DGKG: variants seen among roughly 807,000 people sequenced by gnomAD.
DGKG encodes DAG kinase gamma.
DGKG carries 78 observed loss-of-function variants against 105.3 expected under a neutral mutation model. The observed-to-expected ratio is 0.74, with a 90% CI of 0.62 to 0.89. The LOEUF (loss-of-function observed/expected upper bound fraction) is 0.89, where lower values mean the gene tolerates loss of function less well. DGKG is among the 40% of genes least tolerant of loss of function. The pLI, the probability that DGKG is intolerant of heterozygous loss-of-function variation, is 0.00. For synonymous variants in DGKG, 346 were observed against 367.1 expected (o/e 0.94, Z 0.66); for missense variants, 958 against 1,020.1 (o/e 0.94, Z 0.83).
At chr3:186,288,026 T>C (rs1398301129) in intron 6 of DGKG, among the ~76,000 whole-genome samples, 1 of 152,228 alleles carries the variant, frequency 6.6e-6, no homozygotes, top group African/African-American at 2.4e-5. Flanking sequence ...AAACCATCAC[T>C]GGACTGAATC....
intron 20 of DGKG, among the ~76,000 whole-genome samples, chr3:186,227,799 A>T (rs1398157998): frequency 6.6e-6 from 1 of 152,230 alleles, no homozygotes; most frequent in African/African-American, 2.4e-5. Flanking sequence ...GCATGCAATT[A>T]TGAAAAGTTT....
At chr3:186,150,748 G>A (rs61004094) in intron 24 of DGKG, among the ~76,000 whole-genome samples, 2,295 of 152,308 alleles carry the variant, frequency 0.015, 70 homozygotes, top group African/African-American at 0.053. Flanking sequence ...GCCTTCGAGG[G>A]AAGACCCCAA....
At chr3:186,200,311 G>A (rs528435597) in intron 21 of DGKG, among the ~76,000 whole-genome samples, 5 of 152,268 alleles carry the variant, frequency 3.3e-5, no homozygotes, top group Admixed American at 6.5e-5. Context: ...CATGCACCCC[G>A]TAAACACTTA....
chr3:186,353,685 T>TATCTATATCTATATC (rs994218769), intron 1 of DGKG, among the ~76,000 whole-genome samples: 6 of 138,970 alleles, frequency 4.3e-5, no homozygotes, highest in African/African-American at 1.7e-4. Flanking sequence ...TCTATATCTA[T>TATCTATATCTATATC]ATCTATATCT....
intron 2 of DGKG, among the ~76,000 whole-genome samples, chr3:186,315,154 T>C (rs1724756858): frequency 6.6e-6 from 1 of 152,202 alleles, no homozygotes; most frequent in Non-Finnish European, 1.5e-5. Flanking sequence ...CCAAACAAAC[T>C]CTCTGCCCAG....
intron 2 of DGKG, among the ~76,000 whole-genome samples, chr3:186,319,469 C>A (rs1724980425): frequency 6.6e-6 from 1 of 152,158 alleles, no homozygotes; most frequent in African/African-American, 2.4e-5. Context: ...TGTGCAAGAG[C>A]AATAGAGCAG....
intron 1 of DGKG, among the ~76,000 whole-genome samples, chr3:186,338,790 G>A (rs956444911): frequency 6.6e-6 from 1 of 151,876 alleles, no homozygotes; most frequent in Non-Finnish European, 1.5e-5. Flanking sequence ...CAAAGTTTAC[G>A]TACATTGGTT....
chr3:186,216,048 G>C (rs1291403570), intron 20 of DGKG, among the ~76,000 whole-genome samples: 1 of 151,602 alleles, frequency 6.6e-6, no homozygotes, highest in African/African-American at 2.4e-5. Flanking sequence ...TCCCAGGCTG[G>C]AGTACAGTGG....
At position 186,350,954 on chromosome 3, in the gene DGKG, G is replaced by C. The variant is rs140681315; in HGVS notation, c.-249+10992C>G. Among the ~76,000 whole-genome samples, 595 of 152,198 alleles carry C rather than the reference G, an allele frequency of 3.9e-3. 5 individuals are homozygous for C. The highest frequency in any genetic ancestry group is 0.014 in the African/African-American group (561 of 41,542). On this transcript the variant is annotated intron_variant, in intron 1 of 24. Transcript: ENST00000265022. Reference sequence around the variant, plus strand: ...TTTTGAATTGGGTTTTTTTGTTGCTGTTGTTTAGTTTTGGGAGTTCTCTAT... The same window carrying C: ...TTTTGAATTGGGTTTTTTTGTTGCTCTTGTTTAGTTTTGGGAGTTCTCTAT...
chr3:186,275,949 T>TATCG (rs1722562279), intron 9 of DGKG, among the ~76,000 whole-genome samples: 1 of 27,772 alleles, frequency 3.6e-5, no homozygotes, highest in African/African-American at 1.2e-4. Flanking sequence ...CAATCTGATC[T>TATCG]ATCTATCTAT....
At chr3:186,247,995 T>TCCTTCCTTCCTTCCTCCCTC (rs1560113983) in intron 19 of DGKG, among the ~76,000 whole-genome samples, 4 of 150,852 alleles carry the variant, frequency 2.7e-5, no homozygotes, top group East Asian at 3.9e-4. Flanking sequence ...CTTCCTCCCT[T>TCCTTCCTTCCTTCCTCCCTC]CCTTCCTTCC....
chr3:186,210,105 G>A lies in DGKG; in HGVS notation c.1917+1690C>T, dbSNP rs1047245173. On this transcript the variant is annotated intron_variant, in intron 21 of 24. Coordinates refer to ENST00000265022, the MANE Select transcript of DGKG (RefSeq NM_001346.3). The surrounding 1 kb of genome is among the most constrained non-coding windows in gnomAD (Gnocchi z 5.2). ...GTCTCTCAAACCCAGAGGGGACTGT[G>A]GGGCCTGGAGCCGGGAGGGCAGGCC... Among the ~76,000 whole-genome samples the A allele has an allele frequency of 3.6e-4, 55 of 152,162 alleles. No homozygotes were observed. The highest frequency in any genetic ancestry group is 3.6e-3 in the Admixed American group (55 of 15,284).
At chr3:186,239,943 C>T (rs998266745) in intron 20 of DGKG, among the ~76,000 whole-genome samples, 2 of 145,468 alleles carry the variant, frequency 1.4e-5, no homozygotes, top group Non-Finnish European at 3.0e-5. Context: ...TCTAATTGTA[C>T]TTAATCATGT....
At chr3:186,279,699 CA>C (rs764096159) in intron 9 of DGKG, 151 bp downstream of exon 9, 5 of 741,686 alleles carry the variant, frequency 6.7e-6, no homozygotes, top group Non-Finnish European at 1.1e-5. Flanking sequence ...CTAATGGATA[CA>C]AAATAATGTA....
intron 1 of DGKG, among the ~76,000 whole-genome samples, chr3:186,328,948 T>A (rs183039844): frequency 5.3e-4 from 80 of 152,216 alleles, no homozygotes; most frequent in African/African-American, 1.9e-3. Flanking sequence ...CCAGATGGTA[T>A]CCCACGTGAC....
At chr3:186,227,634 T>G (rs950887057) in intron 20 of DGKG, among the ~76,000 whole-genome samples, 16 of 152,212 alleles carry the variant, frequency 1.1e-4, no homozygotes, top group African/African-American at 3.9e-4. Flanking sequence ...AGTGAAAGCT[T>G]GCTTTTGAAA....
intron 18 of DGKG, 83 bp downstream of exon 18, chr3:186,253,010 G>T (rs1721297454): frequency 8.2e-7 from 1 of 1,212,578 alleles, no homozygotes; most frequent in Non-Finnish European, 1.2e-6. Flanking sequence ...CCATAAAAGG[G>T]TAAGTTCAGC....
chr3:186,247,972 C>T (rs1286479454), intron 19 of DGKG, among the ~76,000 whole-genome samples: 1 of 152,102 alleles, frequency 6.6e-6, no homozygotes, highest in African/African-American at 2.4e-5. Flanking sequence ...TTCCTTCCTT[C>T]CTTCTTTCCT....
At position 186,272,062 on chromosome 3, in the gene DGKG, G is replaced by C. The variant is rs569621932; in HGVS notation, c.999+193C>G. Among the ~76,000 whole-genome samples, 3 of 152,316 alleles carry C rather than the reference G, an allele frequency of 2.0e-5. No homozygotes were observed. The South Asian group carries it at 6.2e-4, about 32-fold the overall frequency. ...CAACCTGTGTACCCCCTAGCATGGT[G>C]CCTGGCACATAGTGGGTACCAGGAA... On this transcript the variant is annotated intron_variant, in intron 11 of 24. Transcript: ENST00000265022.
Sources: gnomAD v4.1 joint callset for allele counts (sites outside exome capture counted in the v4.1 genomes callset) on GRCh38, gnomAD v4.1.1 for gene constraint, Gnocchi (gnomAD v3.1) non-coding constraint, MANE v1.5 for transcripts, NCBI Gene and HGNC (gene_info 2026-07-23, HGNC 2026-07-21) for gene names.